Variants in RAPGEF4 observed in about 807,000 individuals in gnomAD.
RAPGEF4 encodes RAP guanine-nucleotide-exchange factor (GEF) 4.
Under a neutral mutation model 147.9 loss-of-function variants are expected in RAPGEF4, and 66 were observed. The ratio of observed to expected loss-of-function variants is 0.45; its 90% CI spans 0.37 to 0.55. The LOEUF (loss-of-function observed/expected upper bound fraction) is 0.55, where lower values mean the gene tolerates loss of function less well. Ranked by LOEUF, RAPGEF4 falls within the 20% of genes least tolerant of loss-of-function variation. The pLI, the probability that RAPGEF4 is intolerant of heterozygous loss-of-function variation, is 0.00. For synonymous variants in RAPGEF4, 419 were observed against 442.7 expected, an observed-to-expected ratio of 0.95 and a Z score of 0.67; for missense variants, 1,071 against 1,257.3, an observed-to-expected ratio of 0.85 and a Z score of 2.24.
intron 4 of RAPGEF4, among the ~76,000 whole-genome samples, chr2:172,867,115 G>A (rs1181973425): frequency 6.6e-6 from 1 of 151,810 alleles, no homozygotes; most frequent in Non-Finnish European, 1.5e-5. Context: ...GGGATTGCAG[G>A]CGCCCACCAC....
chr2:172,775,864 A>G (rs1684112939), intron 1 of RAPGEF4, among the ~76,000 whole-genome samples: 1 of 152,184 alleles, frequency 6.6e-6, no homozygotes, highest in African/African-American at 2.4e-5. Flanking sequence ...CTATATCCTA[A>G]GGTGCCTTAA....
rs921101012 is a variant in RAPGEF4 at position 172,806,527 on chromosome 2, G to A, written c.298-7752G>A. Among the ~76,000 whole-genome samples the A allele has an allele frequency of 4.6e-5, 7 of 152,326 alleles. No homozygotes were observed. The East Asian group carries it at 1.3e-3, about 29-fold the overall frequency. ...GTACAAAGCCTGGGATAGAGGCAGA[G>A]GGTCTGTGCTTTTTGAAATTACCAT... On this transcript the variant is annotated intron_variant, in intron 3 of 30. Transcript: ENST00000397081.
chr2:172,984,383 T>C (rs1170525508), intron 11 of RAPGEF4, among the ~76,000 whole-genome samples: 1 of 152,222 alleles, frequency 6.6e-6, no homozygotes, highest in Non-Finnish European at 1.5e-5. Flanking sequence ...CAGTCCCTGC[T>C]GTTGGGGATA....
intron 21 of RAPGEF4, 104 bp downstream of exon 21, chr2:173,017,608 C>T: frequency 1.8e-6 from 2 of 1,099,774 alleles, no homozygotes; most frequent in African/African-American, 3.1e-5. Context: ...TGAAGATGCC[C>T]TGTTGCCCTC....
At chr2:172,836,531 A>C (rs1690952033) in intron 4 of RAPGEF4, among the ~76,000 whole-genome samples, 1 of 152,238 alleles carries the variant, frequency 6.6e-6, no homozygotes, top group South Asian at 2.1e-4. Flanking sequence ...TGCTTAGGTA[A>C]GAAGGGTATT....
intron 4 of RAPGEF4, among the ~76,000 whole-genome samples, chr2:172,862,991 A>G (rs747945041): frequency 6.6e-5 from 10 of 152,162 alleles, no homozygotes; most frequent in Non-Finnish European, 1.5e-4. Flanking sequence ...AGTACCTTTG[A>G]TAAGAATATG....
chr2:172,797,661 C>T (rs1686514319), intron 3 of RAPGEF4, 48 bp downstream of exon 3: 1 of 1,368,604 alleles, frequency 7.3e-7, no homozygotes, highest in African/African-American at 1.4e-5. Flanking sequence ...TTTTTAAAGA[C>T]TTATTATCCC....
chr2:172,784,362 C>CA (rs1438305925), intron 1 of RAPGEF4, among the ~76,000 whole-genome samples: 1 of 151,836 alleles, frequency 6.6e-6, no homozygotes, highest in Non-Finnish European at 1.5e-5. Flanking sequence ...ACTAAAAATA[C>CA]AAAAAATTAG....
chr2:172,877,358 G>A (rs1290051195), intron 4 of RAPGEF4, among the ~76,000 whole-genome samples: 12 of 151,992 alleles, frequency 7.9e-5, no homozygotes. Context: ...CACACATTGG[G>A]TCCTGTCAGA....
intron 6 of RAPGEF4, among the ~76,000 whole-genome samples, chr2:172,947,118 A>G (rs1368928324): frequency 6.6e-6 from 1 of 152,184 alleles, no homozygotes; most frequent in African/African-American, 2.4e-5. Flanking sequence ...TTAAGACTCA[A>G]ATCATTGGGC....
At chr2:172,954,812 A>G (rs1364858336) in intron 6 of RAPGEF4, among the ~76,000 whole-genome samples, 2 of 152,252 alleles carry the variant, frequency 1.3e-5, no homozygotes, top group Non-Finnish European at 2.9e-5. Context: ...CAGCTGAAAT[A>G]AGAAAAGGGG....
intron 16 of RAPGEF4, among the ~76,000 whole-genome samples, chr2:173,000,194 A>G (rs568559664): frequency 1.6e-4 from 24 of 152,306 alleles, no homozygotes; most frequent in African/African-American, 5.5e-4. Flanking sequence ...ACCTGGTGAC[A>G]TTGAGTTGTG....
intron 1 of RAPGEF4, among the ~76,000 whole-genome samples, chr2:172,744,630 T>C (rs1219607842): frequency 6.6e-6 from 1 of 152,248 alleles, no homozygotes; most frequent in Admixed American, 6.5e-5. Flanking sequence ...ATGTGAATAC[T>C]GGTAGTTTTA....
At chr2:172,828,886 T>C (rs958463745) in intron 4 of RAPGEF4, among the ~76,000 whole-genome samples, 34 of 152,182 alleles carry the variant, frequency 2.2e-4, no homozygotes, top group Non-Finnish European at 4.9e-4. Flanking sequence ...ATCAGATCTT[T>C]CTGTGAAGGA....
chr2:172,990,701 C>T lies in RAPGEF4; in HGVS notation c.1375-109C>T, dbSNP rs6726429. ...CTTTGAAAATGACTTAATTTGTAGA[C>T]GCAACAATTAGCATGACAAGCACCA... On this transcript the variant is annotated intron_variant, in intron 14 of 30. Coordinates refer to ENST00000397081, the MANE Select transcript of RAPGEF4 (RefSeq NM_007023.4). 1.5e-3 allele frequency: 1,095 copies of T among 732,816 alleles called. 7 individuals are homozygous for T. Among genetic ancestry groups the T allele is most frequent in the African/African-American group, 0.013 (751 of 56,590 alleles). The allele number at this position is 732,816 out of a possible 1,614,324, so 45.4% of individuals were successfully genotyped here.
At chr2:172,791,407 G>A (rs895464751) in intron 1 of RAPGEF4, among the ~76,000 whole-genome samples, 2 of 152,122 alleles carry the variant, frequency 1.3e-5, no homozygotes, top group Non-Finnish European at 2.9e-5. Context: ...CTGTAGGATC[G>A]ATAAAGGAGG....
chr2:172,803,380 T>G (rs1687164702), intron 3 of RAPGEF4, among the ~76,000 whole-genome samples: 1 of 152,232 alleles, frequency 6.6e-6, no homozygotes, highest in Non-Finnish European at 1.5e-5. Flanking sequence ...TGCCAAGGCT[T>G]GGGGCTTGCA....
At chr2:172,982,166 C>T (rs909252923) in intron 10 of RAPGEF4, among the ~76,000 whole-genome samples, 2 of 152,138 alleles carry the variant, frequency 1.3e-5, no homozygotes, top group Non-Finnish European at 2.9e-5. Context: ...GTTTAGTACA[C>T]CAATACTCCT....
chr2:172,887,489 T>C (rs1239993726), intron 4 of RAPGEF4, among the ~76,000 whole-genome samples: 1 of 152,250 alleles, frequency 6.6e-6, no homozygotes, highest in Non-Finnish European at 1.5e-5. Flanking sequence ...AACTATGGCC[T>C]GTGGGCCAAA....
Sources: gnomAD v4.1 joint callset for allele counts (sites outside exome capture counted in the v4.1 genomes callset) on GRCh38, gnomAD v4.1.1 for gene constraint, MANE v1.5 for transcripts, NCBI Gene and HGNC (gene_info 2026-07-23, HGNC 2026-07-21) for gene names.